The following PDE1C variants were observed in gnomAD, a reference collection of about 807,000 sequenced individuals.
PDE1C encodes the protein dual specificity calcium/calmodulin-dependent 3',5'-cyclic nucleotide phosphodiesterase 1C.
In PDE1C, 62 loss-of-function variants were observed where a neutral mutation model predicts 93.1. The ratio of observed to expected loss-of-function variants is 0.67; its 90% CI spans 0.54 to 0.82. The LOEUF is 0.82. Among genes scored for constraint, PDE1C ranks in the 40% least tolerant of loss-of-function variants. The pLI, the probability that PDE1C is intolerant of heterozygous loss-of-function variation, is 0.00. For missense variants in PDE1C, 742 were observed against 884.6 expected (o/e 0.84, Z 2.04); for synonymous variants, 325 against 310.1 (o/e 1.05, Z -0.50).
At chr7:31,778,243 G>A (rs1281075847) in intron 16 of PDE1C, among the ~76,000 whole-genome samples, 2 of 152,176 alleles carry the variant, frequency 1.3e-5, no homozygotes, top group African/African-American at 4.8e-5. Flanking sequence ...CACAAAGAAT[G>A]GTGGACCCTG....
At chr7:31,627,859 G>A in the PDE1C span, among the ~76,000 whole-genome samples, 1 of 152,060 alleles carries the variant, frequency 6.6e-6, no homozygotes. Flanking sequence ...ACAATTTTAA[G>A]TGAATACTAA....
At chr7:31,706,435 T>C in the PDE1C span, among the ~76,000 whole-genome samples, 1 of 152,168 alleles carries the variant, frequency 6.6e-6, no homozygotes, top group South Asian at 2.1e-4. Context: ...GATATTTTAA[T>C]CCCCAAAAGA....
chr7:32,123,058 C>A (rs996685764), intron 3 of PDE1C, among the ~76,000 whole-genome samples: 28 of 152,254 alleles, frequency 1.8e-4, no homozygotes, highest in Middle Eastern at 3.4e-3. Flanking sequence ...GAAATACAAA[C>A]TACCATCAGA....
At chr7:31,869,884 A>T (rs1795724420) in intron 6 of PDE1C, among the ~76,000 whole-genome samples, 1 of 152,096 alleles carries the variant, frequency 6.6e-6, no homozygotes, top group African/African-American at 2.4e-5. Context: ...AAGTCTCAAA[A>T]AATTAAAAAT....
chr7:32,158,134 T>C (rs911390454), intron 3 of PDE1C, among the ~76,000 whole-genome samples: 5 of 152,156 alleles, frequency 3.3e-5, no homozygotes, highest in African/African-American at 7.2e-5. Context: ...TTTCAAAGAA[T>C]GAGAATGTTA....
At chr7:32,345,110 A>C (rs1401332511) in intron 1 of PDE1C, among the ~76,000 whole-genome samples, 1 of 152,118 alleles carries the variant, frequency 6.6e-6, no homozygotes, top group Non-Finnish European at 1.5e-5. Context: ...GCTCTTCTGG[A>C]AAAATTCCTC....
At chr7:31,899,798 T>C (rs191244248) in intron 2 of PDE1C, among the ~76,000 whole-genome samples, 75 of 152,280 alleles carry the variant, frequency 4.9e-4, no homozygotes, top group African/African-American at 1.8e-3. Context: ...AACGGATCCT[T>C]GAATATGTTC....
At chr7:32,318,269 C>T (rs956252010) in intron 1 of PDE1C, among the ~76,000 whole-genome samples, 6 of 152,264 alleles carry the variant, frequency 3.9e-5, no homozygotes, top group African/African-American at 1.4e-4. Flanking sequence ...AGAATCCAAA[C>T]CAAACCCCCC....
chr7:32,171,212 A>G (rs1802627084), intron 2 of PDE1C, among the ~76,000 whole-genome samples: 1 of 152,188 alleles, frequency 6.6e-6, no homozygotes, highest in Non-Finnish European at 1.5e-5. Flanking sequence ...CCTAAACAGT[A>G]ATAAAACTTA....
chr7:31,729,819 T>C, the PDE1C span, among the ~76,000 whole-genome samples: 7 of 152,160 alleles, frequency 4.6e-5, no homozygotes, highest in African/African-American at 1.7e-4. Flanking sequence ...TGAGTCCACT[T>C]GGGGAAGCAA....
chr7:31,794,037 TAGATAGAC>T lies in PDE1C; in HGVS notation c.1891+14986_1891+14993del, dbSNP rs60271373. ...ATAGATAGATAGATAGATAGATAGA[TAGATAGAC>T]AGACAGACAGACAGACAGACAGACA... On this transcript the variant is annotated intron_variant, in intron 16 of 17. Coordinates refer to ENST00000396191, the MANE Select transcript of PDE1C (RefSeq NM_001191057.4). 9.7e-3 allele frequency among the ~76,000 whole-genome samples: 1,024 copies of T among 105,368 alleles called. 5 individuals are homozygous for T. The highest frequency in any genetic ancestry group is 0.037 in the East Asian group (120 of 3,276). 69.1% of individuals were successfully genotyped at this position (105,368 alleles called of 152,430 possible).
intron 3 of PDE1C, among the ~76,000 whole-genome samples, chr7:32,169,499 T>C (rs1802511869): frequency 6.6e-6 from 1 of 152,162 alleles, no homozygotes; most frequent in African/African-American, 2.4e-5. Flanking sequence ...GACTCATTAA[T>C]CCAATTCAAA....
chr7:32,346,710 C>G (rs1051774188), intron 1 of PDE1C, among the ~76,000 whole-genome samples: 2 of 152,180 alleles, frequency 1.3e-5, no homozygotes, highest in Non-Finnish European at 2.9e-5. Context: ...ACTTGGCCTG[C>G]AAATTATGTA....
chr7:31,627,607 C>G, the PDE1C span, among the ~76,000 whole-genome samples: 1 of 135,740 alleles, frequency 7.4e-6, no homozygotes, highest in Non-Finnish European at 1.5e-5. Context: ...ACGCAGTAAG[C>G]TGCGATCATG....
At chr7:31,984,664 A>G (rs1783132057) in intron 2 of PDE1C, among the ~76,000 whole-genome samples, 1 of 152,220 alleles carries the variant, frequency 6.6e-6, no homozygotes, top group Non-Finnish European at 1.5e-5. Flanking sequence ...AAGATTTAGA[A>G]GATCACCAGT....
At chr7:31,837,579 T>A (rs1356351896) in intron 10 of PDE1C, among the ~76,000 whole-genome samples, 1 of 152,198 alleles carries the variant, frequency 6.6e-6, no homozygotes, top group African/African-American at 2.4e-5. Flanking sequence ...TGACTTTTAT[T>A]GGTTGCTTCT....
chr7:32,325,165 C>T (rs1020452277), intron 1 of PDE1C, among the ~76,000 whole-genome samples: 1 of 152,234 alleles, frequency 6.6e-6, no homozygotes, highest in Non-Finnish European at 1.5e-5. Context: ...ACTGTGACCA[C>T]CACTACCACC....
intron 2 of PDE1C, among the ~76,000 whole-genome samples, chr7:31,921,442 C>A (rs1274395223): frequency 6.6e-6 from 1 of 152,180 alleles, no homozygotes. Flanking sequence ...AATTTCTCAC[C>A]TTCCAGGATG....
chr7:32,082,038 G>T (rs540532275), intron 3 of PDE1C, among the ~76,000 whole-genome samples: 1 of 152,234 alleles, frequency 6.6e-6, no homozygotes, highest in Non-Finnish European at 1.5e-5. Context: ...CGCACCATGC[G>T]CGAGCCAAAG....
Sources: allele counts gnomAD v4.1 joint callset (sites outside exome capture counted in the v4.1 genomes callset), GRCh38; gene constraint gnomAD v4.1.1; transcripts MANE v1.5; gene names NCBI Gene and HGNC (gene_info 2026-07-23, HGNC 2026-07-21).